Variants in MOB3B observed in about 807,000 individuals in gnomAD.
MOB3B encodes MOB kinase activator-like 2B.
In MOB3B, 7 loss-of-function variants were observed where a neutral mutation model predicts 18.7. The ratio of observed to expected loss-of-function variants is 0.37; its 90% CI spans 0.21 to 0.70. The LOEUF is 0.70. MOB3B is among the 30% of genes least tolerant of loss of function. The probability of loss-of-function intolerance (pLI) is 0.52; values close to 1 mark genes in which losing one functional copy is unlikely to be tolerated. For synonymous variants in MOB3B, 111 were observed against 99.9 expected, an observed-to-expected ratio of 1.11 and a Z score of -0.66; for missense variants, 253 against 281.3, an observed-to-expected ratio of 0.90 and a Z score of 0.72.
intron 2 of MOB3B, among the ~76,000 whole-genome samples, chr9:27,385,304 T>A (rs1267753155): frequency 6.6e-6 from 1 of 152,134 alleles, no homozygotes; most frequent in Non-Finnish European, 1.5e-5. Context: ...ATCAACCTGA[T>A]CAACAATTTA....
chr9:27,404,406 A>C (rs1166124715), intron 2 of MOB3B, among the ~76,000 whole-genome samples: 1 of 115,246 alleles, frequency 8.7e-6, no homozygotes, highest in East Asian at 2.9e-4. Flanking sequence ...ACCAGGCTGG[A>C]GTGCAATGGT....
intron 2 of MOB3B, among the ~76,000 whole-genome samples, chr9:27,384,747 A>C (rs1587171967): frequency 6.6e-6 from 1 of 152,110 alleles, no homozygotes; most frequent in Non-Finnish European, 1.5e-5. Context: ...TCTGTCCCCC[A>C]CACCTGCCAA....
chr9:27,380,262 A>ATT lies in MOB3B; in HGVS notation c.419-21028_419-21027dup, dbSNP rs551179750. On this transcript the variant is annotated intron_variant, in intron 2 of 3. Transcript: ENST00000262244. Reference sequence around the variant, plus strand: ...GGCCAAGTGCAGAAAAAGAGATAGGATTTTTTTTTTTTTTTTTTTTTTAGA... The same window carrying ATT: ...GGCCAAGTGCAGAAAAAGAGATAGGATTTTTTTTTTTTTTTTTTTTTTTTAGA... Among the ~76,000 whole-genome samples the ATT allele has an allele frequency of 4.8e-3, 651 of 135,424 alleles. 8 individuals are homozygous for ATT. Among genetic ancestry groups the ATT allele is most frequent in the African/African-American group, 0.016 (583 of 36,580 alleles). 88.8% of individuals were successfully genotyped at this position (135,424 alleles called of 152,430 possible).
At chr9:27,359,382 G>GGT (rs1821241313) in intron 2 of MOB3B, 146 bp from the exon 3 acceptor site, 4 of 607,460 alleles carry the variant, frequency 6.6e-6, no homozygotes, top group African/African-American at 1.9e-5. Flanking sequence ...TGTGTGTGGG[G>GGT]GGGGGGGGTT....
At position 27,329,698 on chromosome 9, in the gene MOB3B, A is replaced by G. The variant is rs538827120; in HGVS notation, c.*889T>C. On this transcript the variant is annotated 3_prime_UTR_variant, in exon 4 of 4. Transcript: ENST00000262244. ...TCCCTGTCTTTAATAAAGAACAAACACTGCAGTAATCATGCCCAACGCTCC... is the reference window on the plus strand; with the variant it reads ...TCCCTGTCTTTAATAAAGAACAAACGCTGCAGTAATCATGCCCAACGCTCC... The G allele has an allele frequency of 6.5e-6, 1 of 152,766 alleles. No homozygotes were observed. The highest frequency in any genetic ancestry group is 2.4e-5 in the African/African-American group (1 of 41,578). 9.5% of individuals were successfully genotyped at this position (152,766 alleles called of 1,614,324 possible).
chr9:27,454,869 C>G (rs148021290), intron 2 of MOB3B, among the ~76,000 whole-genome samples: 125 of 152,294 alleles, frequency 8.2e-4, no homozygotes, highest in African/African-American at 2.8e-3. Flanking sequence ...CCTAAGAAAG[C>G]CAACACAATC....
chr9:27,397,852 T>C (rs1821824620), intron 2 of MOB3B, among the ~76,000 whole-genome samples: 1 of 152,168 alleles, frequency 6.6e-6, no homozygotes, highest in African/African-American at 2.4e-5. Context: ...GCCAAATAAT[T>C]GTTTGTTGTG....
chr9:27,377,492 C>G (rs1821506218), intron 2 of MOB3B, among the ~76,000 whole-genome samples: 1 of 152,146 alleles, frequency 6.6e-6, no homozygotes, highest in South Asian at 2.1e-4. Context: ...GACCACCCTT[C>G]TAACACCTAG....
At chr9:27,405,593 C>T (rs1416978367) in intron 2 of MOB3B, among the ~76,000 whole-genome samples, 1 of 152,062 alleles carries the variant, frequency 6.6e-6, no homozygotes, top group Non-Finnish European at 1.5e-5. Flanking sequence ...TGATCTGATA[C>T]CATTTTTCCA....
chr9:27,493,798 C>T (rs1222169014), intron 1 of MOB3B, among the ~76,000 whole-genome samples: 1 of 152,042 alleles, frequency 6.6e-6, no homozygotes. Context: ...ACAAATTGTA[C>T]AGCATGTGTG....
chr9:27,446,142 G>A (rs575379157), intron 2 of MOB3B, among the ~76,000 whole-genome samples: 64 of 152,178 alleles, frequency 4.2e-4, no homozygotes, highest in Middle Eastern at 3.4e-3. Context: ...AGGCCTCTTC[G>A]CCAAGTTTTG....
intron 1 of MOB3B, among the ~76,000 whole-genome samples, chr9:27,473,493 C>G (rs895295667): frequency 6.6e-6 from 1 of 152,054 alleles, no homozygotes; most frequent in African/African-American, 2.4e-5. Context: ...CAGAGAGGGA[C>G]CTGTTGCCCT....
chr9:27,387,327 C>T (rs1037928283), intron 2 of MOB3B, among the ~76,000 whole-genome samples: 2 of 152,104 alleles, frequency 1.3e-5, no homozygotes, highest in Admixed American at 6.6e-5. Flanking sequence ...TTATACACAC[C>T]TGCCCCATAT....
chr9:27,502,387 G>A (rs190607077), intron 1 of MOB3B, among the ~76,000 whole-genome samples: 1,813 of 152,216 alleles, frequency 0.012, 38 homozygotes, highest in African/African-American at 0.041. Context: ...TTTCTGTGAA[G>A]TCTAGGGACT....
intron 2 of MOB3B, among the ~76,000 whole-genome samples, chr9:27,367,806 C>T (rs746561436): frequency 9.9e-5 from 15 of 152,166 alleles, no homozygotes; most frequent in Non-Finnish European, 1.0e-4. Flanking sequence ...ACTTGGAAGA[C>T]ATGTCATATA....
chr9:27,447,677 TAA>T, intron 2 of MOB3B, among the ~76,000 whole-genome samples: 1 of 152,192 alleles, frequency 6.6e-6, no homozygotes, highest in African/African-American at 2.4e-5. Context: ...CTGGAGGCCC[TAA>T]ACAGAGGTAT....
chr9:27,455,281 C>T lies in MOB3B; in HGVS notation c.270G>A (p.Met90Ile). ...EFCTERTCPVMSGGPKYEYRW... is the reference protein window; with the variant it reads ...EFCTERTCPVISGGPKYEYRW... Reference sequence around the variant, plus strand: ...GATACTCATATTTGGGGCCCCCTGACATCACAGGACAGGTCCGCTCGGTGC... The same window carrying T: ...GATACTCATATTTGGGGCCCCCTGATATCACAGGACAGGTCCGCTCGGTGC... Residue 90 changes from methionine (M) to isoleucine (I), a missense_variant, in exon 2 of 4, where the codon ATG (methionine) becomes ATA (isoleucine). Coordinates refer to ENST00000262244, the MANE Select transcript of MOB3B (RefSeq NM_024761.5). 1 of 1,614,090 alleles carries T rather than the reference C, an allele frequency of 6.2e-7. No individual in the cohort carries two copies. The highest frequency in any genetic ancestry group is 8.5e-7 in the Non-Finnish European group (1 of 1,179,980).
At chr9:27,486,428 CAA>C (rs765978324) in intron 1 of MOB3B, among the ~76,000 whole-genome samples, 1 of 152,180 alleles carries the variant, frequency 6.6e-6, no homozygotes, top group Non-Finnish European at 1.5e-5. Flanking sequence ...GCCTCTGGCT[CAA>C]ATTTGAAGCA....
At chr9:27,405,755 G>C (rs1327516182) in intron 2 of MOB3B, among the ~76,000 whole-genome samples, 2 of 152,050 alleles carry the variant, frequency 1.3e-5, no homozygotes, top group Non-Finnish European at 2.9e-5. Context: ...AGTTCAACAA[G>C]GCAAGGATAA....
Sources: gnomAD v4.1 joint callset for allele counts (sites outside exome capture counted in the v4.1 genomes callset) on GRCh38, gnomAD v4.1.1 for gene constraint, MANE v1.5 for transcripts, NCBI Gene and HGNC (gene_info 2026-07-23, HGNC 2026-07-21) for gene names.